The following SETX variants were observed in gnomAD, a reference collection of about 807,000 sequenced individuals.
SETX encodes helicase senataxin.
In SETX, 90 loss-of-function variants were observed where a neutral mutation model predicts 227.2. The ratio of observed to expected loss-of-function variants is 0.40; its 90% CI spans 0.33 to 0.47. The LOEUF (loss-of-function observed/expected upper bound fraction) is 0.47, where lower values mean the gene tolerates loss of function less well. SETX is among the 20% of genes least tolerant of loss of function. SETX has a pLI of 0.91. For missense variants in SETX, 3,052 were observed against 3,181.5 expected, an observed-to-expected ratio of 0.96 and a Z score of 0.98; for synonymous variants, 1,210 against 1,113.2, an observed-to-expected ratio of 1.09 and a Z score of -1.73.
rs145438764 is a variant in SETX at position 132,342,716 on chromosome 9, A to C, written c.472T>G (p.Leu158Val). 4.7e-3 allele frequency: 7,661 copies of C among 1,613,718 alleles called. 27 individuals carry two copies. Among genetic ancestry groups the C allele is most frequent in the Middle Eastern group, 7.3e-3 (44 of 6,062 alleles). Residue 158 changes from leucine to valine, a missense_variant, in exon 5 of 26, where the codon TTG becomes GTG. Physicochemically the swap from Leu to Val is conservative, Grantham distance 32 (BLOSUM62 1). Coordinates refer to ENST00000224140, the MANE Select transcript of SETX (RefSeq NM_015046.7). ...QVFDKHPGIY[L>V]FLVHPNEMVR... ...ATTTCATTGGGATGGACTAAAAACAAATAGATCCCTGGATGTTTATCAAAC... is the reference window on the plus strand; with the variant it reads ...ATTTCATTGGGATGGACTAAAAACACATAGATCCCTGGATGTTTATCAAAC...
chr9:132,343,345 A>G (rs1005057962), intron 4 of SETX, among the ~76,000 whole-genome samples: 1 of 152,146 alleles, frequency 6.6e-6, no homozygotes, highest in Admixed American at 6.6e-5. Context: ...AAAAGAATGT[A>G]GCTCTTTATT....
At chr9:132,347,877 T>C (rs1243026585) in intron 3 of SETX, among the ~76,000 whole-genome samples, 1 of 152,088 alleles carries the variant, frequency 6.6e-6, no homozygotes, top group Non-Finnish European at 1.5e-5. Flanking sequence ...CTCCTCTATA[T>C]ACTGTATATA....
Position 132,300,130 on chromosome 9 carries a change from CAAAAAAAAAAAAA to C in SETX, c.5548+487_5548+499del, listed in dbSNP as rs72582907. Among the ~76,000 whole-genome samples the C allele has an allele frequency of 1.7e-4, 8 of 47,230 alleles. No individual in the cohort carries two copies. The South Asian group carries it at 6.3e-3, about 37-fold the overall frequency. 31.0% of individuals were successfully genotyped at this position (47,230 alleles called of 152,430 possible). Reference sequence around the variant, plus strand: ...GGACAACAAGAGTGAAACTCCGTCTCAAAAAAAAAAAAAAAAAAAAAAAAAGGGACAAGTCTCA... The same window carrying C: ...GGACAACAAGAGTGAAACTCCGTCTCAAAAAAAAAAAAGGGACAAGTCTCA... On this transcript the variant is annotated intron_variant, in intron 12 of 25. Transcript: ENST00000224140.
chr9:132,323,311 A>G (rs957015394), intron 10 of SETX, among the ~76,000 whole-genome samples: 1 of 152,232 alleles, frequency 6.6e-6, no homozygotes, highest in Admixed American at 6.5e-5. Flanking sequence ...TAATTTAGTG[A>G]TAAGTAGAAA....
In SETX at chr9:132,311,793, A is replaced by G; in HGVS notation, c.5338T>C (p.Phe1780Leu). 1 of 1,613,746 alleles carries G rather than the reference A, an allele frequency of 6.2e-7. No individual in the cohort carries two copies. Residue 1780 changes from phenylalanine to leucine, a missense_variant, in exon 11 of 26, where the codon TTT (phenylalanine) becomes CTT (leucine). This residue lies in a region of SETX where 239 missense variants were observed against 272.1 expected (regional missense o/e 0.88). Coordinates refer to ENST00000224140, the MANE Select transcript of SETX (RefSeq NM_015046.7). ...ENFYQLQVRK[F>L]PADYIKYWEF... ...CAGTATTTTATATAATCGGCAGGAA[A>G]TTTTCGTACTTGCAACTGATAGAAA...
At chr9:132,340,546 G>A (rs902411689) in intron 5 of SETX, among the ~76,000 whole-genome samples, 7 of 64,954 alleles carry the variant, frequency 1.1e-4, no homozygotes, top group Admixed American at 3.8e-4. Flanking sequence ...CCAGAAAAAC[G>A]TACTCACTCA....
At chr9:132,265,330 A>G (rs559077859) in intron 25 of SETX, among the ~76,000 whole-genome samples, 2 of 144,518 alleles carry the variant, frequency 1.4e-5, no homozygotes, top group East Asian at 2.1e-4. Context: ...GGTTCACGCC[A>G]TTCTCCTGCC....
In SETX at chr9:132,328,954, T is replaced by A. The variant is rs1349490121; in HGVS notation, c.2644A>T (p.Asn882Tyr). The change falls in exon 10 of 26, where the codon AAC becomes TAC. Residue 882 changes from asparagine (N) to tyrosine (Y), a missense_variant. Coordinates refer to ENST00000224140, the MANE Select transcript of SETX (RefSeq NM_015046.7). ...TGAAATTCCTGTATTTTACAATTGT[T>A]TTCATGGAAAGAGAAAATAACTAAT... ...EELVIFSFHE[N>Y]NCKIQEFHVD... The A allele has an allele frequency of 6.2e-7, 1 of 1,610,622 alleles. No homozygotes were observed. Among genetic ancestry groups the A allele is most frequent in the Non-Finnish European group, 8.5e-7 (1 of 1,178,996 alleles).
chr9:132,328,025 T>C lies in SETX; in HGVS notation c.3573A>G (p.Arg1191=). 6.2e-7 allele frequency: 1 copy of C among 1,614,012 alleles called. No homozygotes were observed. The stretch of plus-strand genomic sequence containing the variant: ...TTTTAAAATCATTTCCCACAAGATC[T>C]CTCTTATTAGTATCAGACTGGCCCT... The part of the protein sequence containing the change: ...RNEGQSDTNK[R]DLVGNDFKSI... Residue 1191 remains arginine, a synonymous_variant, in exon 10 of 26, where the codon AGA becomes AGG. Transcript: ENST00000224140.
intron 9 of SETX, among the ~76,000 whole-genome samples, 167 bp from the exon 10 acceptor site, chr9:132,330,666 C>T (rs774574755): frequency 6.6e-6 from 1 of 152,140 alleles, no homozygotes; most frequent in Non-Finnish European, 1.5e-5. Context: ...ATATCACAAT[C>T]GTAATACACC....
intron 5 of SETX, 100 bp downstream of exon 5, chr9:132,342,590 C>G (rs1589774711): frequency 1.0e-6 from 1 of 957,292 alleles, no homozygotes; most frequent in African/African-American, 1.6e-5. Flanking sequence ...AAAATTTTAG[C>G]AAACATTTTA....
chr9:132,312,168 A>G (rs1845704165), intron 10 of SETX, among the ~76,000 whole-genome samples: 2 of 152,230 alleles, frequency 1.3e-5, no homozygotes, highest in African/African-American at 4.8e-5. Flanking sequence ...GATGTGGAGC[A>G]TTTCCAGCAG....
intron 17 of SETX, 69 bp downstream of exon 17, chr9:132,288,167 C>T: frequency 8.1e-7 from 1 of 1,240,130 alleles, no homozygotes; most frequent in Non-Finnish European, 1.2e-6. Context: ...CAGAGCAAGA[C>T]TCTGTCTCAA....
At chr9:132,288,820 A>G (rs530065799) in intron 15 of SETX, among the ~76,000 whole-genome samples, 169 bp from the exon 16 acceptor site, 9 of 152,230 alleles carry the variant, frequency 5.9e-5, no homozygotes, top group Non-Finnish European at 1.2e-4. Flanking sequence ...CTTCTTATAC[A>G]TTATTTCAGA....
chr9:132,290,358 C>T (rs758885921), intron 15 of SETX, among the ~76,000 whole-genome samples: 26 of 151,358 alleles, frequency 1.7e-4, no homozygotes, highest in Non-Finnish European at 2.9e-4. Context: ...AGGTGGATCA[C>T]GAGGTCAGGG....
chr9:132,326,635 A>C lies in SETX; in HGVS notation c.4963T>G (p.Ser1655Ala). The C allele has an allele frequency of 6.2e-7, 1 of 1,614,230 alleles. No individual in the cohort carries two copies. Among genetic ancestry groups the C allele is most frequent in the Non-Finnish European group, 8.5e-7 (1 of 1,180,042 alleles). ...AQKPVGEMKN[S>A]CNVLHPQSPN... is the part of the protein sequence containing the mutation. ...GACTGAGGATGAAGAACATTGCACG[A>C]ATTCTTCATTTCACCAACTGGCTTC... The change falls in exon 10 of 26, where the codon TCG becomes GCG. Residue 1655 changes from serine to alanine, a missense_variant. Physicochemically the swap from Ser to Ala is moderately conservative, Grantham distance 99 (BLOSUM62 1). Around this residue, in one of 10 missense-constraint regions of SETX, gnomAD observed 1,483 missense variants for 1,312.0 expected, o/e 1.13. Transcript: ENST00000224140.
chr9:132,348,776 A>T (rs1439199742), intron 3 of SETX, among the ~76,000 whole-genome samples: 1 of 152,100 alleles, frequency 6.6e-6, no homozygotes, highest in African/African-American at 2.4e-5. Context: ...AAAATTTTAA[A>T]AATTAGCAGA....
intron 23 of SETX, among the ~76,000 whole-genome samples, chr9:132,273,872 A>G (rs1843017488): frequency 6.6e-6 from 1 of 152,114 alleles, no homozygotes. Flanking sequence ...ATCTCTCCTG[A>G]TCTTAGAGGA....
rs1379926287 is a variant in SETX, at chr9:132,264,831, G to C, written c.7442C>G (p.Pro2481Arg). The C allele has an allele frequency of 6.2e-7, 1 of 1,614,182 alleles. No individual in the cohort carries two copies. The highest frequency in any genetic ancestry group is 1.1e-5 in the South Asian group (1 of 91,082). ...ACCACCCTGGGGTCTGGACCCCTCT[G>C]GGGCTATGGTAGGAGGGTGAGTGAG... ...RSLTHPPTIA[P>R]EGSRPQGGLP... is the part of the protein sequence containing the mutation. Residue 2481 changes from proline to arginine, a missense_variant, in exon 26 of 26, where the codon CCA (proline) becomes CGA (arginine). By Grantham distance (103) the Pro-to-Arg change is moderately radical (BLOSUM62 -2). Transcript: ENST00000224140.
Sources: allele counts gnomAD v4.1 joint callset (sites outside exome capture counted in the v4.1 genomes callset), GRCh38; gene constraint gnomAD v4.1.1; regional missense constraint gnomAD v4.1.1; transcripts MANE v1.5; gene names NCBI Gene and HGNC (gene_info 2026-07-23, HGNC 2026-07-21).